The following PCDH11X variants were observed in gnomAD, a reference collection of about 807,000 sequenced individuals.
PCDH11X encodes the protein protocadherin 11 X-linked.
Under a neutral mutation model 53.3 loss-of-function variants are expected in PCDH11X, and 18 were observed. The observed-to-expected ratio is 0.34, with a 90% CI of 0.23 to 0.50. The LOEUF (loss-of-function observed/expected upper bound fraction) is 0.50, where lower values mean the gene tolerates loss of function less well. PCDH11X is among the 20% of genes least tolerant of loss of function. PCDH11X has a pLI of 0.98. For missense variants in PCDH11X, 570 were observed against 1,032.4 expected, an observed-to-expected ratio of 0.55 and a Z score of 6.14; for synonymous variants, 279 against 393.3, an observed-to-expected ratio of 0.71 and a Z score of 3.44.
chrX:91,973,003 G>A (rs1415328221), intron 6 of PCDH11X, among the ~76,000 whole-genome samples: 1 of 110,080 alleles, frequency 9.1e-6, no homozygotes, highest in African/African-American at 3.3e-5. Flanking sequence ...GTTTATTGTG[G>A]CATTATTCAC....
At position 91,904,212 on chromosome X, in the gene PCDH11X, G is replaced by A. The variant is rs990336231; in HGVS notation, c.3033+24939G>A. ...GTGCAAAGGTAATTGTGGTTTTTGC[G>A]ATTAAAAGTAATGGCAAAATTACTT... On this transcript the variant is annotated intron_variant, in intron 6 of 10. Transcript: ENST00000682573. Among the ~76,000 whole-genome samples, 11 of 111,133 alleles carry A rather than the reference G, an allele frequency of 9.9e-5. No individual in the cohort carries two copies. In the East Asian group the frequency reaches 1.1e-3, roughly 11 times the overall value.
chrX:92,536,064 G>A (rs765807498), intron 10 of PCDH11X, among the ~76,000 whole-genome samples: 1 of 106,970 alleles, frequency 9.3e-6, no homozygotes, highest in South Asian at 4.2e-4. Flanking sequence ...ATTACTCAGA[G>A]GTTGGTTTCT....
At chrX:92,050,472 A>G (rs1228238991) in intron 6 of PCDH11X, among the ~76,000 whole-genome samples, 1 of 109,450 alleles carries the variant, frequency 9.1e-6, no homozygotes, top group Admixed American at 9.9e-5. Flanking sequence ...TGTACAGTAC[A>G]CTTTTTAAGA....
chrX:92,006,700 G>C (rs1266215667), intron 6 of PCDH11X, among the ~76,000 whole-genome samples: 2 of 110,318 alleles, frequency 1.8e-5, no homozygotes. Context: ...GCATTGAAGA[G>C]CTAGATATGT....
chrX:91,889,129 G>A (rs1343274540), intron 6 of PCDH11X, among the ~76,000 whole-genome samples: 3 of 109,682 alleles, frequency 2.7e-5, no homozygotes, highest in Non-Finnish European at 5.7e-5. Flanking sequence ...ATTCAAGGAT[G>A]GAACAAATAC....
At chrX:92,501,819 G>A (rs147791808) in intron 10 of PCDH11X, among the ~76,000 whole-genome samples, 8,089 of 110,922 alleles carry the variant, frequency 0.073, 271 homozygotes, top group African/African-American at 0.14. Context: ...ACAAGGCAAG[G>A]ATGCCCTGTC....
intron 10 of PCDH11X, among the ~76,000 whole-genome samples, chrX:92,559,571 G>T (rs1175750915): frequency 9.0e-6 from 1 of 111,467 alleles, no homozygotes; most frequent in African/African-American, 3.3e-5. Flanking sequence ...AGACAGTCTT[G>T]AATTACTGGT....
chrX:92,563,626 A>G (rs752843298), intron 10 of PCDH11X, among the ~76,000 whole-genome samples: 2 of 112,056 alleles, frequency 1.8e-5, no homozygotes, highest in South Asian at 7.4e-4. Flanking sequence ...CATGAAGAAG[A>G]AATAAAGACA....
chrX:92,147,199 C>G (rs1480304587), intron 6 of PCDH11X, among the ~76,000 whole-genome samples: 3 of 108,211 alleles, frequency 2.8e-5, no homozygotes, highest in Non-Finnish European at 5.7e-5. Flanking sequence ...TTAGCAGAAA[C>G]AAAATCAAGA....
chrX:92,212,585 G>A lies in PCDH11X; in HGVS notation c.3114+11130G>A, dbSNP rs1430847546. 6.3e-5 allele frequency among the ~76,000 whole-genome samples: 7 copies of A among 111,131 alleles called. No individual in the cohort carries two copies. The South Asian group carries it at 2.6e-3, about 41-fold the overall frequency. ...GGCTGGTCGCAAACTGCCGACATTA[G>A]GTGATCCACCCGCCTCGGCCTCCCA... On this transcript the variant is annotated intron_variant, in intron 7 of 10. Transcript: ENST00000682573.
At chrX:92,017,148 T>A (rs2147992048) in intron 6 of PCDH11X, among the ~76,000 whole-genome samples, 1 of 104,083 alleles carries the variant, frequency 9.6e-6, no homozygotes, top group African/African-American at 3.5e-5. Flanking sequence ...GATTCCCAAA[T>A]AATTATAATA....
At chrX:92,096,463 T>C (rs1351478588) in intron 6 of PCDH11X, among the ~76,000 whole-genome samples, 2 of 109,288 alleles carry the variant, frequency 1.8e-5, no homozygotes, top group African/African-American at 6.7e-5. Context: ...TGTGTGTGTG[T>C]GTGTGTGTGT....
intron 6 of PCDH11X, among the ~76,000 whole-genome samples, chrX:92,103,986 G>A (rs1228937413): frequency 9.0e-6 from 1 of 111,435 alleles, no homozygotes; most frequent in Admixed American, 9.6e-5. Context: ...AGGGCCTAGG[G>A]CTGTAAAGTG....
intron 6 of PCDH11X, among the ~76,000 whole-genome samples, chrX:92,148,790 A>ATG (rs1386795237): frequency 9.2e-6 from 1 of 108,400 alleles, no homozygotes; most frequent in African/African-American, 3.4e-5. Flanking sequence ...ATATATATAT[A>ATG]TATACACACA....
chrX:91,822,821 A>T (rs1353565603), intron 4 of PCDH11X, among the ~76,000 whole-genome samples: 2 of 111,383 alleles, frequency 1.8e-5, no homozygotes, highest in Admixed American at 1.9e-4. Context: ...AGTGCTATAA[A>T]TTTCCCTCTA....
At chrX:91,994,448 G>A (rs2525267) in intron 6 of PCDH11X, among the ~76,000 whole-genome samples, 2 of 107,299 alleles carry the variant, frequency 1.9e-5, no homozygotes, top group African/African-American at 3.5e-5. Context: ...AATGTCCTCC[G>A]TGTTCATCAA....
At chrX:92,419,924 C>A (rs1412765329) in intron 9 of PCDH11X, among the ~76,000 whole-genome samples, 2 of 110,444 alleles carry the variant, frequency 1.8e-5, no homozygotes, top group African/African-American at 6.6e-5. Flanking sequence ...TCGTGATCCA[C>A]CCGCCTCAGC....
chrX:92,553,736 G>A (rs1209868867), intron 10 of PCDH11X, among the ~76,000 whole-genome samples: 2 of 108,220 alleles, frequency 1.8e-5, no homozygotes, highest in East Asian at 2.9e-4. Context: ...TGCTTTTGCT[G>A]TATCCCATAG....
intron 8 of PCDH11X, among the ~76,000 whole-genome samples, chrX:92,282,941 A>G (rs1254845044): frequency 9.0e-6 from 1 of 111,471 alleles, no homozygotes; most frequent in Non-Finnish European, 1.9e-5. Context: ...AATCAGAGTC[A>G]TGGAAACATT....
Sources: allele counts gnomAD v4.1 joint callset (sites outside exome capture counted in the v4.1 genomes callset), GRCh38; gene constraint gnomAD v4.1.1; transcripts MANE v1.5; gene names NCBI Gene and HGNC (gene_info 2026-07-23, HGNC 2026-07-21).